The following KDM4C variants were observed in gnomAD, a reference collection of about 807,000 sequenced individuals.
KDM4C encodes the protein lysine-specific demethylase 4C.
A neutral mutation model predicts 129.3 loss-of-function variants in KDM4C; 81 were observed. That is an observed-to-expected ratio of 0.63 (90% CI 0.52 to 0.75). The LOEUF (loss-of-function observed/expected upper bound fraction) is 0.75, where lower values mean the gene tolerates loss of function less well. Among genes scored for constraint, KDM4C ranks in the 30% least tolerant of loss-of-function variants. The pLI is 0.00. For synonymous variants in KDM4C, 573 were observed against 456.1 expected (o/e 1.26, Z -3.26); for missense variants, 1,457 against 1,304.0 (o/e 1.12, Z -1.81).
intron 17 of KDM4C, among the ~76,000 whole-genome samples, chr9:7,100,472 T>C (rs1564116923): frequency 6.6e-6 from 1 of 152,122 alleles, no homozygotes; most frequent in African/African-American, 2.4e-5. Context: ...CCCGAGTAGC[T>C]GGGATTACAG....
At chr9:6,838,103 A>G (rs527365561) in intron 4 of KDM4C, among the ~76,000 whole-genome samples, 86 of 152,316 alleles carry the variant, frequency 5.6e-4, no homozygotes, top group African/African-American at 1.9e-3. Context: ...TAATAATGAT[A>G]TATTTCTTTT....
In KDM4C at chr9:6,785,316, T is replaced by C. The variant is rs77128731; in HGVS notation, c.-17-7656T>C. On this transcript the variant is annotated intron_variant, in intron 1 of 21. Transcript: ENST00000381309. ...TCCATCTTCACATGGCACTCTTTCC[T>C]GTGTCTGTCTCTTCTCCTCTTCCTC... Among the ~76,000 whole-genome samples, 368 of 151,800 alleles carry C rather than the reference T, an allele frequency of 2.4e-3. 6 individuals are homozygous for C. In the East Asian group the frequency reaches 0.043, roughly 18 times the overall value.
At chr9:6,822,256 A>G (rs1833160171) in intron 4 of KDM4C, among the ~76,000 whole-genome samples, 1 of 152,208 alleles carries the variant, frequency 6.6e-6, no homozygotes, top group Non-Finnish European at 1.5e-5. Context: ...GTGACAGATT[A>G]TATGGCCTTC....
chr9:6,954,274 G>A (rs1828686608), intron 8 of KDM4C, among the ~76,000 whole-genome samples: 1 of 152,138 alleles, frequency 6.6e-6, no homozygotes, highest in South Asian at 2.1e-4. Flanking sequence ...CTCTTGGAAT[G>A]TCTGCTTAGT....
At chr9:6,741,388 C>G (rs1441436630) in intron 1 of KDM4C, among the ~76,000 whole-genome samples, 1 of 151,954 alleles carries the variant, frequency 6.6e-6, no homozygotes, top group East Asian at 1.9e-4. Flanking sequence ...GAGCGAGACT[C>G]TATCTCAAAA....
chr9:7,053,864 A>C (rs1484859041), intron 17 of KDM4C, among the ~76,000 whole-genome samples: 1 of 152,270 alleles, frequency 6.6e-6, no homozygotes, highest in African/African-American at 2.4e-5. Context: ...GGCAGAAATG[A>C]AAATGCTAAC....
chr9:6,835,514 T>C (rs1360760470), intron 4 of KDM4C: 8 of 1,511,688 alleles, frequency 5.3e-6, no homozygotes, highest in Non-Finnish European at 7.4e-6. Context: ...TTCCAGCAGA[T>C]GTGGATCAGC....
upstream of KDM4C, among the ~76,000 whole-genome samples, chr9:6,756,483 G>A (rs1391295102): frequency 6.6e-6 from 1 of 152,206 alleles, no homozygotes; most frequent in African/African-American, 2.4e-5. Flanking sequence ...TTGGGAGGCC[G>A]AGGCGGGCGG....
chr9:6,812,968 G>T (rs995654783), intron 3 of KDM4C, among the ~76,000 whole-genome samples: 7 of 152,182 alleles, frequency 4.6e-5, no homozygotes, highest in Non-Finnish European at 1.0e-4. Context: ...CTGAGGTCGG[G>T]AGTTCGAGAC....
Position 7,132,366 on chromosome 9 carries a change from G to A in KDM4C, c.2781+4130G>A, listed in dbSNP as rs539158422. Among the ~76,000 whole-genome samples, 6 of 152,312 alleles carry A rather than the reference G, an allele frequency of 3.9e-5. No individual in the cohort carries two copies. The East Asian group carries it at 1.2e-3, about 29-fold the overall frequency. ...TTAAAAATGCTTACGTTAGCGTTATGTGACTGGAGAGAGCATTTGGAGCAG... is the reference window on the plus strand; with the variant it reads ...TTAAAAATGCTTACGTTAGCGTTATATGACTGGAGAGAGCATTTGGAGCAG... On this transcript the variant is annotated intron_variant, in intron 19 of 21. Transcript: ENST00000381309.
At chr9:6,832,350 A>G (rs1457189448) in intron 4 of KDM4C, among the ~76,000 whole-genome samples, 2 of 151,732 alleles carry the variant, frequency 1.3e-5, no homozygotes, top group Non-Finnish European at 1.5e-5. Flanking sequence ...AAAAAAAAAA[A>G]AAGTTGAATT....
intron 1 of KDM4C, among the ~76,000 whole-genome samples, chr9:6,778,777 A>G (rs369302220): frequency 2.0e-5 from 3 of 149,086 alleles, no homozygotes; most frequent in East Asian, 4.0e-4. Flanking sequence ...ACAGTGTTAC[A>G]TTTGTGAGAT....
chr9:7,161,179 T>C (rs1843747514), intron 19 of KDM4C, among the ~76,000 whole-genome samples: 1 of 152,110 alleles, frequency 6.6e-6, no homozygotes, highest in Non-Finnish European at 1.5e-5. Context: ...TGCTAAGACC[T>C]TGAGAAAAGT....
intron 8 of KDM4C, among the ~76,000 whole-genome samples, chr9:6,925,828 G>T (rs1449304014): frequency 1.3e-5 from 2 of 152,208 alleles, no homozygotes; most frequent in East Asian, 3.9e-4. Context: ...ATATGATGTG[G>T]TACTACCTCT....
chr9:6,852,203 T>G (rs927532091), intron 5 of KDM4C, among the ~76,000 whole-genome samples: 1 of 152,190 alleles, frequency 6.6e-6, no homozygotes, highest in African/African-American at 2.4e-5. Flanking sequence ...TTAAAATTCA[T>G]TTTAGCAATC....
At chr9:7,121,883 A>G (rs1208432367) in intron 18 of KDM4C, among the ~76,000 whole-genome samples, 2 of 148,416 alleles carry the variant, frequency 1.3e-5, no homozygotes, top group African/African-American at 4.9e-5. Context: ...GGTTGGCTTT[A>G]TTTCCTTGCT....
chr9:7,030,545 C>G (rs745604676), intron 15 of KDM4C, among the ~76,000 whole-genome samples: 5 of 152,120 alleles, frequency 3.3e-5, no homozygotes, highest in African/African-American at 1.2e-4. Flanking sequence ...ATGATGGAAG[C>G]TATGTATGTG....
intron 4 of KDM4C, chr9:6,834,540 C>T (rs1323188376): frequency 4.4e-5 from 30 of 680,586 alleles, no homozygotes; most frequent in Admixed American, 7.8e-5. Flanking sequence ...TGACCCCCGG[C>T]CGTCTTCCCC....
Position 7,165,046 on chromosome 9 carries a change from T to G in KDM4C, c.2782-192T>G, listed in dbSNP as rs191291039. 1.7e-3 allele frequency among the ~76,000 whole-genome samples: 254 copies of G among 152,252 alleles called. 2 individuals are homozygous for G. Among genetic ancestry groups the G allele is most frequent in the African/African-American group, 3.6e-3 (148 of 41,548 alleles). ...GATTATGGTGGCTCCTTTGCAACTTTATGATGTAGGCTGAATCTTTAAATA... is the reference window on the plus strand; with the variant it reads ...GATTATGGTGGCTCCTTTGCAACTTGATGATGTAGGCTGAATCTTTAAATA... On this transcript the variant is annotated intron_variant, in intron 19 of 21. Coordinates refer to ENST00000381309, the MANE Select transcript of KDM4C (RefSeq NM_015061.6).
Sources: allele counts gnomAD v4.1 joint callset (sites outside exome capture counted in the v4.1 genomes callset), GRCh38; gene constraint gnomAD v4.1.1; transcripts MANE v1.5; gene names NCBI Gene and HGNC (gene_info 2026-07-23, HGNC 2026-07-21).